SIRT1: variants seen among roughly 807,000 people sequenced by gnomAD.
SIRT1 encodes the protein NAD-dependent protein deacetylase sirtuin-1.
SIRT1 carries 24 observed loss-of-function variants against 67.9 expected under a neutral mutation model. The observed-to-expected ratio is 0.35, with a 90% CI of 0.26 to 0.50. The LOEUF (loss-of-function observed/expected upper bound fraction) is 0.50. Ranked by LOEUF, SIRT1 falls within the 20% of genes least tolerant of loss-of-function variation. The pLI, the probability that SIRT1 is intolerant of heterozygous loss-of-function variation, is 0.98. For missense variants in SIRT1, 873 were observed against 937.2 expected (o/e 0.93, Z 0.89); for synonymous variants, 378 against 350.7 (o/e 1.08, Z -0.87).
chr10:67,909,934 A>G (rs2131885261), intron 7 of SIRT1, among the ~76,000 whole-genome samples: 1 of 151,562 alleles, frequency 6.6e-6, no homozygotes, highest in South Asian at 2.1e-4. Flanking sequence ...CTGGATTCGA[A>G]CTCCTGGGCT....
intron 4 of SIRT1, among the ~76,000 whole-genome samples, chr10:67,897,728 C>G (rs1315501259): frequency 6.6e-6 from 1 of 151,784 alleles, no homozygotes; most frequent in African/African-American, 2.4e-5. Context: ...GAACTCCTGA[C>G]CTCAGGTGAT....
chr10:67,912,719 T>C lies in SIRT1; in HGVS notation c.1603T>C (p.Ser535Pro). 1.2e-6 allele frequency: 2 copies of C among 1,614,156 alleles called. No homozygotes were observed. The highest frequency in any genetic ancestry group is 1.7e-6 in the Non-Finnish European group (2 of 1,180,034). The change falls in exon 8 of 9, where the codon TCA becomes CCA. Residue 535 changes from serine (S) to proline (P), a missense_variant. Physicochemically the swap from Ser to Pro is moderately conservative, Grantham distance 74. Transcript: ENST00000212015. The stretch of plus-strand genomic sequence containing the variant: ...GTTGCCACCCACACCTCTTCATGTT[T>C]CAGAAGACTCAAGTTCACCAGAAAG... ...SELPPTPLHVSEDSSSPERTS... is the reference protein window; with the variant it reads ...SELPPTPLHVPEDSSSPERTS...
intron 4 of SIRT1, among the ~76,000 whole-genome samples, chr10:67,893,819 A>AG (rs1405502176): frequency 1.3e-5 from 2 of 152,218 alleles, no homozygotes; most frequent in African/African-American, 4.8e-5. Context: ...CTGGGATTAC[A>AG]GGTGCGAGGC....
In SIRT1 at chr10:67,916,632, A is replaced by G. The variant is rs776381105; in HGVS notation, c.*39A>G. ...CAGGTACAGGAATTGTTCCACCAGC[A>G]TTAGGAACTTTAGCATGTCAAAATG... On this transcript the variant is annotated 3_prime_UTR_variant, in exon 9 of 9. Transcript: ENST00000212015. 4 of 1,525,624 alleles carry G rather than the reference A, an allele frequency of 2.6e-6. No individual in the cohort carries two copies. In the South Asian group the frequency reaches 4.9e-5, roughly 19 times the overall value. 94.5% of individuals were successfully genotyped at this position (1,525,624 alleles called of 1,614,324 possible). A position where few individuals can be genotyped will look rare whatever the true frequency, so the allele number is the denominator to read the frequency against.
At chr10:67,903,555 T>C (rs975126146) in intron 4 of SIRT1, among the ~76,000 whole-genome samples, 2 of 151,994 alleles carry the variant, frequency 1.3e-5, no homozygotes, top group Non-Finnish European at 2.9e-5. Context: ...AGCTAATTTT[T>C]TTTTGTATTT....
chr10:67,911,716 C>T (rs1056306084), intron 7 of SIRT1, among the ~76,000 whole-genome samples: 23 of 140,820 alleles, frequency 1.6e-4, no homozygotes, highest in South Asian at 2.4e-4. Context: ...TTCCTTCCTT[C>T]CTTCGTCCAT....
At chr10:67,900,956 G>A (rs750734276) in intron 4 of SIRT1, among the ~76,000 whole-genome samples, 24 of 152,094 alleles carry the variant, frequency 1.6e-4, no homozygotes, top group Non-Finnish European at 3.1e-4. Context: ...TATTCTTGAA[G>A]AGTTAGGCTT....
rs1177468618 is a variant in SIRT1 at position 67,912,766 on chromosome 10, A to G, written c.1650A>G (p.Ser550=). The change falls in exon 8 of 9, where the codon TCA becomes TCG. Residue 550 remains serine (S), a synonymous_variant. Transcript: ENST00000212015. ...SPERTSPPDS[S]VIVTLLDQAA... ...AAAGAACTTCACCACCAGATTCTTC[A>G]GTGATTGTCACACTTTTAGACCAAG... 6.2e-7 allele frequency: 1 copy of G among 1,614,148 alleles called. No individual in the cohort carries two copies.
At chr10:67,898,046 G>A (rs1198232275) in intron 4 of SIRT1, among the ~76,000 whole-genome samples, 2 of 148,638 alleles carry the variant, frequency 1.3e-5, no homozygotes, top group East Asian at 2.0e-4. Context: ...CACAGCGGGC[G>A]GTCAAAAGTT....
chr10:67,902,120 C>G (rs1842753907), intron 4 of SIRT1, among the ~76,000 whole-genome samples: 1 of 152,226 alleles, frequency 6.6e-6, no homozygotes, highest in African/African-American at 2.4e-5. Flanking sequence ...TCCCAAGTAG[C>G]TGGGATTACA....
intron 4 of SIRT1, among the ~76,000 whole-genome samples, chr10:67,895,412 G>A (rs1011028941): frequency 6.6e-6 from 1 of 152,112 alleles, no homozygotes; most frequent in Non-Finnish European, 1.5e-5. Context: ...AAAGAGTGCA[G>A]GATAGTATCC....
At chr10:67,895,101 C>T (rs1178228412) in intron 4 of SIRT1, among the ~76,000 whole-genome samples, 1 of 152,012 alleles carries the variant, frequency 6.6e-6, no homozygotes, top group African/African-American at 2.4e-5. Flanking sequence ...TCCTTTAATT[C>T]TCACATTGGG....
intron 4 of SIRT1, chr10:67,906,425 T>A: frequency 1.1e-6 from 1 of 897,554 alleles, no homozygotes; most frequent in South Asian, 2.5e-5. Flanking sequence ...TCTGTAATTT[T>A]AGTTTAAACT....
chr10:67,911,445 T>C (rs1475007341), intron 7 of SIRT1, among the ~76,000 whole-genome samples: 3 of 152,066 alleles, frequency 2.0e-5, no homozygotes, highest in Non-Finnish European at 4.4e-5. Context: ...CTTCCTCCTC[T>C]GCCTCTCAAA....
At chr10:67,896,439 C>T (rs1042832561) in intron 4 of SIRT1, among the ~76,000 whole-genome samples, 3 of 152,172 alleles carry the variant, frequency 2.0e-5, no homozygotes, top group Admixed American at 6.5e-5. Context: ...CCACTGCACC[C>T]GGCCTTGGGC....
At chr10:67,913,163 TCG>T in intron 8 of SIRT1, 132 bp downstream of exon 8, 1 of 891,384 alleles carries the variant, frequency 1.1e-6, no homozygotes, top group Non-Finnish European at 1.7e-6. Flanking sequence ...ACTGTACAGT[TCG>T]TAATCAGAAA....
intron 8 of SIRT1, among the ~76,000 whole-genome samples, chr10:67,914,059 A>ATTTTTTTTTTTTTT (rs57073724): frequency 1.1e-5 from 1 of 88,234 alleles, no homozygotes; most frequent in African/African-American, 5.1e-5. Flanking sequence ...CAAAAGGTAG[A>ATTTTTTTTTTTTTT]TTTTTTTTTT....
Position 67,912,695 on chromosome 10 carries a change from T to C in SIRT1, c.1579T>C (p.Leu527=). The C allele has an allele frequency of 6.2e-7, 1 of 1,613,980 alleles. No individual in the cohort carries two copies. Among genetic ancestry groups the C allele is most frequent in the Non-Finnish European group, 8.5e-7 (1 of 1,180,004 alleles). ...AAAAGAATTGGCTTATTTGTCAGAG[T>C]TGCCACCCACACCTCTTCATGTTTC... ...TQKELAYLSE[L]PPTPLHVSED... Residue 527 remains leucine (L), a synonymous_variant, in exon 8 of 9, where the codon TTG becomes CTG. Transcript: ENST00000212015.
At chr10:67,889,246 C>A in intron 3 of SIRT1, 123 bp downstream of exon 3, 1 of 1,118,010 alleles carries the variant, frequency 8.9e-7, no homozygotes, top group Non-Finnish European at 1.2e-6. Flanking sequence ...TGGGAACTGC[C>A]AAAAACTGAG....
Sources: gnomAD v4.1 joint callset for allele counts (sites outside exome capture counted in the v4.1 genomes callset) on GRCh38, gnomAD v4.1.1 for gene constraint, MANE v1.5 for transcripts, NCBI Gene and HGNC (gene_info 2026-07-23, HGNC 2026-07-21) for gene names.